The following CENPP variants were observed in gnomAD, a reference collection of about 807,000 sequenced individuals.
CENPP encodes centromere protein P.
A neutral mutation model predicts 35.6 loss-of-function variants in CENPP; 24 were observed. The ratio of observed to expected loss-of-function variants is 0.67; its 90% CI spans 0.49 to 0.95. CENPP has a LOEUF of 0.95. Ranked by LOEUF, CENPP falls within the 40% of genes least tolerant of loss-of-function variation. CENPP has a pLI of 0.00. For missense variants in CENPP, 332 were observed against 345.3 expected (o/e 0.96, Z 0.31); for synonymous variants, 120 against 125.5 (o/e 0.96, Z 0.29).
intron 5 of CENPP, among the ~76,000 whole-genome samples, chr9:92,602,106 GT>G (rs1315600628): frequency 3.3e-5 from 5 of 152,212 alleles, no homozygotes; most frequent in Admixed American, 3.3e-4. Context: ...TGGTGGGGCT[GT>G]GTCAGAAGAA....
rs971812178 is a variant in CENPP at position 92,617,768 on chromosome 9, G to C, written c.*4619G>C. 5 of 174,782 alleles carry C rather than the reference G, an allele frequency of 2.9e-5. No homozygotes were observed. The highest frequency in any genetic ancestry group is 2.8e-4 in the Admixed American group (5 of 18,162). The allele number at this position is 174,782 out of a possible 1,614,324, so 10.8% of individuals were successfully genotyped here. ...TGTTTCAAATGGGAGGTCGAGAGGA[G>C]CATCAGGGTTTAGGCCGGGAAGCTG... On this transcript the variant is annotated 3_prime_UTR_variant, in exon 8 of 8. Transcript: ENST00000375587.
chr9:92,332,315 A>T lies in CENPP; in HGVS notation c.253A>T (p.Thr85Ser), dbSNP rs754988262. 4 of 1,607,892 alleles carry T rather than the reference A, an allele frequency of 2.5e-6. No homozygotes were observed. The highest frequency in any genetic ancestry group is 3.4e-6 in the Non-Finnish European group (4 of 1,177,872). The change falls in exon 2 of 8, where the codon ACA becomes TCA. Residue 85 changes from threonine to serine, a missense_variant. By Grantham distance (58) the Thr-to-Ser change is moderately conservative. Coordinates refer to ENST00000375587, the MANE Select transcript of CENPP (RefSeq NM_001012267.3). ...GINIRNHSKQ[T>S]EDLTSTEMTE... ...CAATATAAGAAATCACTCCAAGCAG[A>T]CAGAAGACCTAACAAGCACTGAGAT...
intron 5 of CENPP, among the ~76,000 whole-genome samples, chr9:92,543,565 C>T (rs1849364199): frequency 7.5e-6 from 1 of 134,070 alleles, no homozygotes; most frequent in Non-Finnish European, 1.6e-5. Context: ...TTTTCTGTTT[C>T]TGTTAAGAAT....
At chr9:92,382,195 TG>T (rs1842265619) in intron 5 of CENPP, among the ~76,000 whole-genome samples, 1 of 152,002 alleles carries the variant, frequency 6.6e-6, no homozygotes, top group Non-Finnish European at 1.5e-5. Context: ...TAGTGTCCTT[TG>T]ATGAGCAGAA....
intron 5 of CENPP, among the ~76,000 whole-genome samples, chr9:92,399,377 G>T (rs1843017549): frequency 6.6e-6 from 1 of 151,616 alleles, no homozygotes; most frequent in African/African-American, 2.4e-5. Context: ...GTGGATTTTT[G>T]GTTAATCTCT....
At chr9:92,565,997 A>C (rs1160065213) in intron 5 of CENPP, among the ~76,000 whole-genome samples, 1 of 152,204 alleles carries the variant, frequency 6.6e-6, no homozygotes, top group Non-Finnish European at 1.5e-5. Context: ...TTCAACAATA[A>C]AATTGTAAGA....
At chr9:92,432,889 T>G (rs1240413096) in intron 5 of CENPP, among the ~76,000 whole-genome samples, 1 of 152,060 alleles carries the variant, frequency 6.6e-6, no homozygotes. Flanking sequence ...ACCCTTTAAT[T>G]TGGGGAATAC....
chr9:92,549,210 C>T lies in CENPP; in HGVS notation c.565-62104C>T, dbSNP rs574368848. On this transcript the variant is annotated intron_variant, in intron 5 of 7. Transcript: ENST00000375587. ...GACTTGTTCTGTTGTGCTCCAGAGA[C>T]CAGAACTAGAATCAATGGACAGAAA... Among the ~76,000 whole-genome samples the T allele has an allele frequency of 1.5e-4, 23 of 152,232 alleles. No individual in the cohort carries two copies. In the South Asian group the frequency reaches 4.6e-3, roughly 30 times the overall value.
In CENPP at chr9:92,357,622, G is replaced by A. The variant is rs571013364; in HGVS notation, c.467+11835G>A. On this transcript the variant is annotated intron_variant, in intron 4 of 7. Transcript: ENST00000375587. ...TGATTCTCCTGCCACGGCCTCCCAA[G>A]TAGCTGGGATTACAGGCATGCGCCA... is the stretch of plus-strand genomic sequence containing the variant. 4.6e-5 allele frequency among the ~76,000 whole-genome samples: 7 copies of A among 151,934 alleles called. No individual in the cohort carries two copies. In the East Asian group the frequency reaches 1.4e-3, roughly 29 times the overall value.
At chr9:92,509,356 G>A (rs185954690) in intron 5 of CENPP, among the ~76,000 whole-genome samples, 218 of 152,336 alleles carry the variant, frequency 1.4e-3, no homozygotes, top group African/African-American at 4.8e-3. Flanking sequence ...CGCATATGCA[G>A]TGCCCATTTA....
intron 5 of CENPP, among the ~76,000 whole-genome samples, chr9:92,443,455 G>A (rs1041469342): frequency 5.9e-5 from 9 of 152,018 alleles, no homozygotes; most frequent in Admixed American, 2.0e-4. Flanking sequence ...TAGCTAGCTC[G>A]TTAACTGAAA....
chr9:92,516,386 CA>C (rs1315303058), intron 5 of CENPP, among the ~76,000 whole-genome samples: 6 of 152,054 alleles, frequency 3.9e-5, no homozygotes, highest in Non-Finnish European at 1.5e-5. Context: ...TTTCTTCCAT[CA>C]AGATTTAAAA....
intron 5 of CENPP, chr9:92,457,492 T>C (rs2131035187): frequency 6.3e-7 from 1 of 1,584,978 alleles, no homozygotes; most frequent in Non-Finnish European, 8.7e-7. Context: ...TTATCTGTTG[T>C]AGTAGGAAAA....
intron 5 of CENPP, chr9:92,393,030 T>G: frequency 7.0e-7 from 1 of 1,428,850 alleles, no homozygotes; most frequent in East Asian, 2.3e-5. Context: ...CTTGTGTTTA[T>G]ATGAGTTAAA....
At chr9:92,560,318 G>T in intron 5 of CENPP, among the ~76,000 whole-genome samples, 1 of 152,168 alleles carries the variant, frequency 6.6e-6, no homozygotes, top group East Asian at 1.9e-4. Flanking sequence ...TCATATATCA[G>T]CATTAAAGGA....
intron 5 of CENPP, among the ~76,000 whole-genome samples, chr9:92,581,687 G>A (rs560043400): frequency 6.6e-6 from 1 of 152,176 alleles, no homozygotes; most frequent in Non-Finnish European, 1.5e-5. Context: ...ATTTTAGAAT[G>A]AAAGGATCAT....
chr9:92,478,489 T>C (rs1453345084), intron 5 of CENPP, among the ~76,000 whole-genome samples: 1 of 152,204 alleles, frequency 6.6e-6, no homozygotes, highest in Non-Finnish European at 1.5e-5. Flanking sequence ...AGTCTCACTT[T>C]GTCGCCCAGG....
intron 5 of CENPP, among the ~76,000 whole-genome samples, chr9:92,608,948 T>A (rs527493667): frequency 1.4e-4 from 21 of 152,220 alleles, no homozygotes; most frequent in Non-Finnish European, 2.8e-4. Context: ...GGGCCCCACG[T>A]TGGAGCTGGC....
At chr9:92,447,573 C>T (rs1351254420) in intron 5 of CENPP, among the ~76,000 whole-genome samples, 3 of 152,174 alleles carry the variant, frequency 2.0e-5, no homozygotes, top group African/African-American at 4.8e-5. Flanking sequence ...TATTTCAGTT[C>T]GTACCAGTTG....
Sources: gnomAD v4.1 joint callset for allele counts (sites outside exome capture counted in the v4.1 genomes callset) on GRCh38, gnomAD v4.1.1 for gene constraint, MANE v1.5 for transcripts, NCBI Gene and HGNC (gene_info 2026-07-23, HGNC 2026-07-21) for gene names.